SUMF1: variants seen among roughly 807,000 people sequenced by gnomAD.
SUMF1 encodes the protein sulfatase modifying factor 1, also known as formylglycine-generating enzyme.
A neutral mutation model predicts 47.6 loss-of-function variants in SUMF1; 48 were observed. The observed-to-expected ratio is 1.01, with a 90% CI of 0.80 to 1.28. SUMF1 has a LOEUF of 1.28. SUMF1 is among the 50% of genes most tolerant of loss of function. The probability of loss-of-function intolerance (pLI) is 0.00; values close to 1 mark genes in which losing one functional copy is unlikely to be tolerated. For missense variants in SUMF1, 571 were observed against 485.4 expected (o/e 1.18, Z -1.66); for synonymous variants, 230 against 192.1 (o/e 1.20, Z -1.63).
At chr3:4,447,743 C>G (rs1702829434) in intron 3 of SUMF1, among the ~76,000 whole-genome samples, 1 of 152,184 alleles carries the variant, frequency 6.6e-6, no homozygotes, top group Admixed American at 6.5e-5. Context: ...AGCAGTTAAG[C>G]AAGTGACCAA....
chr3:4,310,681 T>C (rs1022743598), intron 8 of SUMF1, among the ~76,000 whole-genome samples: 2 of 152,202 alleles, frequency 1.3e-5, no homozygotes, highest in Admixed American at 6.5e-5. Context: ...AAAATCTTTT[T>C]AAATTTGTAA....
In SUMF1 at chr3:4,252,378, A is replaced by ACACC. The variant is rs138232038; in HGVS notation, c.1014+123951_1014+123952insGGTG. On this transcript the variant is annotated intron_variant and NMD_transcript_variant, in intron 8 of 12. Transcript: ENST00000448413. The stretch of plus-strand genomic sequence containing the variant: ...CACACACACACACACACACACACAC[A>ACACC]CCCCACTGGCTGTTTAAAACATTTG... Among the ~76,000 whole-genome samples the ACACC allele has an allele frequency of 2.4e-3, 360 of 150,438 alleles. 2 individuals carry two copies. The highest frequency in any genetic ancestry group is 9.4e-3 in the South Asian group (45 of 4,778).
chr3:4,148,637 C>T (rs1380692212), intron 8 of SUMF1, among the ~76,000 whole-genome samples: 1 of 152,170 alleles, frequency 6.6e-6, no homozygotes, highest in Non-Finnish European at 1.5e-5. Context: ...TCATCTCTGA[C>T]ATTGTAGTTC....
At chr3:4,249,855 C>T (rs927506928) in intron 8 of SUMF1, among the ~76,000 whole-genome samples, 1 of 152,094 alleles carries the variant, frequency 6.6e-6, no homozygotes, top group African/African-American at 2.4e-5. Flanking sequence ...TAAAAGTGCT[C>T]CTCCAGTCAA....
chr3:4,187,754 C>G (rs1695232152), intron 8 of SUMF1, among the ~76,000 whole-genome samples: 1 of 152,046 alleles, frequency 6.6e-6, no homozygotes, highest in Non-Finnish European at 1.5e-5. Context: ...TAATTGAAAC[C>G]TATTGATTAG....
At chr3:4,217,332 G>A (rs1172465759) in intron 8 of SUMF1, among the ~76,000 whole-genome samples, 3 of 149,282 alleles carry the variant, frequency 2.0e-5, no homozygotes, top group African/African-American at 7.4e-5. Flanking sequence ...CATGGACATA[G>A]GGAGGGGAAC....
At chr3:4,063,880 T>C (rs1053498606) in intron 9 of SUMF1, among the ~76,000 whole-genome samples, 1 of 152,190 alleles carries the variant, frequency 6.6e-6, no homozygotes, top group Non-Finnish European at 1.5e-5. Context: ...GTCAGATTTA[T>C]TAATCATAGA....
At chr3:4,120,787 G>A (rs976328587) in intron 8 of SUMF1, among the ~76,000 whole-genome samples, 1 of 152,108 alleles carries the variant, frequency 6.6e-6, no homozygotes, top group Non-Finnish European at 1.5e-5. Context: ...CCAACTTGAG[G>A]TGTCAGGAAA....
chr3:4,348,832 G>A (rs1291352585), intron 8 of SUMF1, among the ~76,000 whole-genome samples: 3 of 152,222 alleles, frequency 2.0e-5, no homozygotes, highest in East Asian at 1.9e-4. Context: ...CCAAGATCAC[G>A]CCATTGCACT....
intron 8 of SUMF1, among the ~76,000 whole-genome samples, chr3:4,311,573 A>G (rs1265024127): frequency 2.0e-5 from 3 of 152,206 alleles, no homozygotes; most frequent in East Asian, 3.8e-4. Context: ...AAAAAAGTCA[A>G]TGCCACTTCT....
At chr3:4,448,935 T>C (rs1702875098) in intron 3 of SUMF1, among the ~76,000 whole-genome samples, 1 of 152,212 alleles carries the variant, frequency 6.6e-6, no homozygotes, top group African/African-American at 2.4e-5. Context: ...AATGTTCTCA[T>C]TGAGCCCTCC....
chr3:4,083,480 C>T (rs988567555), intron 8 of SUMF1, among the ~76,000 whole-genome samples: 1 of 152,080 alleles, frequency 6.6e-6, no homozygotes, highest in Non-Finnish European at 1.5e-5. Context: ...ATCGGCTGCA[C>T]CCCAGCGTGA....
intron 8 of SUMF1, among the ~76,000 whole-genome samples, chr3:4,129,477 G>C (rs1466299733): frequency 9.9e-5 from 15 of 152,068 alleles, no homozygotes; most frequent in Admixed American, 6.6e-5. Flanking sequence ...AGACTAATTT[G>C]AATTATAAAA....
chr3:4,459,175 A>C (rs191268699), intron 1 of SUMF1, among the ~76,000 whole-genome samples: 4 of 152,348 alleles, frequency 2.6e-5, no homozygotes, highest in Admixed American at 2.6e-4. Context: ...GCAATTATTA[A>C]AAAATAGATT....
intron 8 of SUMF1, chr3:4,316,677 G>A (rs1044209420): frequency 6.4e-7 from 1 of 1,551,162 alleles, no homozygotes; most frequent in Non-Finnish European, 8.7e-7. Context: ...TGTGACGTGT[G>A]ATGAAAAGTG....
chr3:4,419,001 T>C (rs1432473056), intron 4 of SUMF1, among the ~76,000 whole-genome samples: 2 of 152,214 alleles, frequency 1.3e-5, no homozygotes, highest in African/African-American at 2.4e-5. Context: ...GCCTTTCATT[T>C]ATTCTTTCAA....
At chr3:4,271,897 C>T (rs1203681270) in intron 8 of SUMF1, among the ~76,000 whole-genome samples, 3 of 152,120 alleles carry the variant, frequency 2.0e-5, no homozygotes, top group Non-Finnish European at 4.4e-5. Context: ...TCTCTTAGAG[C>T]ACGCAAATGA....
chr3:4,109,754 G>A (rs1161174481), intron 8 of SUMF1, among the ~76,000 whole-genome samples: 2 of 152,044 alleles, frequency 1.3e-5, no homozygotes, highest in African/African-American at 4.8e-5. Flanking sequence ...CGTAGTTCTT[G>A]TGCCATGGTT....
At chr3:4,403,474 C>T (rs1045322941) in intron 7 of SUMF1, among the ~76,000 whole-genome samples, 4 of 152,024 alleles carry the variant, frequency 2.6e-5, no homozygotes, top group Admixed American at 2.6e-4. Flanking sequence ...AACTGGGTTG[C>T]CCTGAATTGC....
Sources: gnomAD v4.1 joint callset for allele counts (sites outside exome capture counted in the v4.1 genomes callset) on GRCh38, gnomAD v4.1.1 for gene constraint, MANE v1.5 for transcripts, NCBI Gene and HGNC (gene_info 2026-07-23, HGNC 2026-07-21) for gene names.